Variants in MYO18B observed in about 807,000 individuals in gnomAD.
The protein encoded by MYO18B is myosin XVIIIB.
A neutral mutation model predicts 273.0 loss-of-function variants in MYO18B; 204 were observed. That is an observed-to-expected ratio of 0.75 (90% CI 0.67 to 0.84). The LOEUF is 0.84. Among genes scored for constraint, MYO18B ranks in the 40% least tolerant of loss-of-function variants. The pLI, the probability that MYO18B is intolerant of heterozygous loss-of-function variation, is 0.00. For missense variants in MYO18B, 3,212 were observed against 3,287.6 expected, an observed-to-expected ratio of 0.98 and a Z score of 0.56; for synonymous variants, 1,330 against 1,305.7, an observed-to-expected ratio of 1.02 and a Z score of -0.40.
At chr22:25,785,335 A>G in intron 10 of MYO18B, 93 bp from the exon 11 acceptor site, 3 of 1,230,398 alleles carry the variant, frequency 2.4e-6, no homozygotes, top group South Asian at 2.6e-5. Context: ...GTGTCCGGGC[A>G]GTTGTGTGGA....
chr22:26,025,489 A>G lies in MYO18B; in HGVS notation c.6471-956A>G, dbSNP rs1445654742. 3.9e-5 allele frequency among the ~76,000 whole-genome samples: 6 copies of G among 152,210 alleles called. No homozygotes were observed. The East Asian group carries it at 1.2e-3, about 29-fold the overall frequency. ...CAAAGCACTCAGAGGCAGGGACCCC[A>G]TGATTGGAAACCCGCGTGTGCATCG... On this transcript the variant is annotated intron_variant, in intron 42 of 43. Transcript: ENST00000335473.
At chr22:25,762,442 A>G (rs927133713) in intron 2 of MYO18B, among the ~76,000 whole-genome samples, 2 of 152,236 alleles carry the variant, frequency 1.3e-5, no homozygotes, top group East Asian at 3.8e-4. Context: ...ATGGGCTGTC[A>G]CTGATGCAGG....
chr22:25,987,409 G>A (rs186269971), intron 39 of MYO18B, among the ~76,000 whole-genome samples: 36 of 152,084 alleles, frequency 2.4e-4, no homozygotes, highest in Admixed American at 1.2e-3. Flanking sequence ...TGGGGAGGTC[G>A]GCAAGTATGC....
chr22:26,043,735 C>T, the MYO18B span, among the ~76,000 whole-genome samples: 1 of 151,870 alleles, frequency 6.6e-6, no homozygotes, highest in Non-Finnish European at 1.5e-5. Flanking sequence ...AGACTGGTCT[C>T]GAACTCCTGA....
intron 11 of MYO18B, among the ~76,000 whole-genome samples, chr22:25,786,312 A>G (rs2087386303): frequency 6.6e-6 from 1 of 152,212 alleles, no homozygotes. Context: ...GATAGCTGAT[A>G]GAGCTACTTG....
At chr22:25,955,699 C>T (rs755789976) in intron 39 of MYO18B, among the ~76,000 whole-genome samples, 7 of 152,146 alleles carry the variant, frequency 4.6e-5, no homozygotes, top group Non-Finnish European at 1.0e-4. Flanking sequence ...AGGAAAAAAC[C>T]GGTATTTATT....
chr22:26,021,530 A>G (rs1017370125), intron 42 of MYO18B, among the ~76,000 whole-genome samples: 2 of 152,234 alleles, frequency 1.3e-5, no homozygotes, highest in Admixed American at 6.5e-5. Flanking sequence ...TTGAGCACCT[A>G]CTGTGTCCTA....
chr22:25,850,276 T>C (rs1044273744), intron 20 of MYO18B, among the ~76,000 whole-genome samples: 5 of 152,184 alleles, frequency 3.3e-5, no homozygotes, highest in Admixed American at 3.3e-4. Flanking sequence ...GAGGCTCTTC[T>C]TGTACCCAGG....
At chr22:25,835,176 G>T (rs2089852023) in intron 16 of MYO18B, 120 bp from the exon 17 acceptor site, 2 of 1,270,456 alleles carry the variant, frequency 1.6e-6, no homozygotes, top group East Asian at 5.1e-5. Flanking sequence ...GGGTAGGCAC[G>T]TTCTGAGTCC....
At chr22:25,985,990 C>G (rs1156577002) in intron 39 of MYO18B, among the ~76,000 whole-genome samples, 1 of 152,238 alleles carries the variant, frequency 6.6e-6, no homozygotes, top group Non-Finnish European at 1.5e-5. Flanking sequence ...TTCTCCCAGG[C>G]AAGTGACCCT....
Position 25,770,985 on chromosome 22 carries a change from G to T in MYO18B, c.1692+1G>T. The T allele has an allele frequency of 1.9e-6, 3 of 1,549,962 alleles. No homozygotes were observed. On this transcript the variant is annotated splice_donor_variant, in intron 6 of 43. Coordinates refer to ENST00000335473, the MANE Select transcript of MYO18B (RefSeq NM_032608.7). LOFTEE classifies it high-confidence loss of function. ...GGTGGATGAGGAGCATGTCCATCGG[G>T]TGAGTCCCCTGTCCCGCCGTCCCCC...
At chr22:25,796,684 T>C (rs535098564) in intron 11 of MYO18B, among the ~76,000 whole-genome samples, 1 of 152,048 alleles carries the variant, frequency 6.6e-6, no homozygotes, top group East Asian at 1.9e-4. Context: ...GAAAGCTCAG[T>C]TGGTGGTGGC....
chr22:25,744,738 T>C (rs2085727595), intron 1 of MYO18B, among the ~76,000 whole-genome samples: 1 of 151,814 alleles, frequency 6.6e-6, no homozygotes, highest in Non-Finnish European at 1.5e-5. Flanking sequence ...GTCTCAAAAA[T>C]AAAAATAAAA....
intron 38 of MYO18B, 47 bp downstream of exon 38, chr22:25,952,470 C>T (rs1569230251): frequency 1.2e-6 from 2 of 1,605,394 alleles, no homozygotes; most frequent in South Asian, 2.3e-5. Flanking sequence ...GCAGGGAGAG[C>T]TTTTGTGTAA....
At chr22:25,956,587 G>T (rs2092855269) in intron 39 of MYO18B, among the ~76,000 whole-genome samples, 1 of 152,180 alleles carries the variant, frequency 6.6e-6, no homozygotes, top group Non-Finnish European at 1.5e-5. Flanking sequence ...GTTGTTCTAA[G>T]AAGTTTTCTG....
intron 39 of MYO18B, chr22:25,965,190 A>G (rs2092964141): frequency 6.6e-6 from 1 of 152,226 alleles, no homozygotes; most frequent in Non-Finnish European, 1.5e-5. Flanking sequence ...TATATGGTTC[A>G]TGCATTATTT....
chr22:26,035,394 G>A (rs1159414747), downstream of MYO18B, among the ~76,000 whole-genome samples: 1 of 152,182 alleles, frequency 6.6e-6, no homozygotes, highest in East Asian at 1.9e-4. Flanking sequence ...CTGTCTGGAT[G>A]CAGATGTCAG....
intron 34 of MYO18B, among the ~76,000 whole-genome samples, chr22:25,944,336 A>T (rs1341029048): frequency 1.3e-5 from 2 of 152,202 alleles, no homozygotes; most frequent in African/African-American, 4.8e-5. Flanking sequence ...GCCCAACTGC[A>T]GGAATACATT....
intron 11 of MYO18B, among the ~76,000 whole-genome samples, chr22:25,794,324 A>C (rs8136920): frequency 0.71 from 106,900 of 151,450 alleles, 37,874 homozygotes; most frequent in East Asian, 0.86. Flanking sequence ...GTCCCGCCTC[A>C]GCTTCCTAAG....
Sources: allele counts gnomAD v4.1 joint callset (sites outside exome capture counted in the v4.1 genomes callset), GRCh38; gene constraint gnomAD v4.1.1; transcripts MANE v1.5; gene names NCBI Gene and HGNC (gene_info 2026-07-23, HGNC 2026-07-21).